The following UTS2B variants were observed in gnomAD, a reference collection of about 807,000 sequenced individuals.
The protein encoded by UTS2B is urotensin-2B.
Under a neutral mutation model 19.2 loss-of-function variants are expected in UTS2B, and 21 were observed. The ratio of observed to expected loss-of-function variants is 1.09; its 90% CI spans 0.78 to 1.58. UTS2B has a LOEUF of 1.58. UTS2B is among the 40% of genes most tolerant of loss of function. UTS2B has a pLI of 0.00. For missense variants in UTS2B, 138 were observed against 130.3 expected (o/e 1.06, Z -0.29); for synonymous variants, 57 against 50.2 (o/e 1.14, Z -0.58).
chr3:191,268,487 T>A (rs988905759), intron 8 of UTS2B, 46 bp from the exon 9 acceptor site: 4 of 1,406,938 alleles, frequency 2.8e-6, no homozygotes, highest in Non-Finnish European at 3.9e-6. Context: ...GTATATTTGA[T>A]AAAACTTGCT....
intron 2 of UTS2B, chr3:191,328,203 C>T (rs748945479): frequency 2.6e-5 from 4 of 152,176 alleles, no homozygotes; most frequent in Non-Finnish European, 4.4e-5. Context: ...ACCTCCCCTA[C>T]GTGGCCTCTC....
At chr3:191,320,790 G>A (rs988596292) in intron 2 of UTS2B, among the ~76,000 whole-genome samples, 1 of 152,222 alleles carries the variant, frequency 6.6e-6, no homozygotes, top group Admixed American at 6.5e-5. Context: ...AACTGTGTAA[G>A]TACAGAGGTG....
upstream of UTS2B, among the ~76,000 whole-genome samples, chr3:191,331,144 G>A (rs905793261): frequency 5.3e-5 from 8 of 152,102 alleles, no homozygotes; most frequent in Non-Finnish European, 7.4e-5. Flanking sequence ...TTTTGTGTGG[G>A]TATGTGTTGG....
chr3:191,311,162 G>C (rs185964608), intron 3 of UTS2B, among the ~76,000 whole-genome samples: 175 of 152,324 alleles, frequency 1.1e-3, no homozygotes, highest in African/African-American at 3.8e-3. Flanking sequence ...TTCCTCACCA[G>C]GTGGCTCAGA....
intron 1 of UTS2B, chr3:191,329,840 G>T: frequency 9.6e-7 from 1 of 1,040,392 alleles, no homozygotes; most frequent in South Asian, 1.5e-5. Context: ...CCCGCCCTGC[G>T]TTGGCCTTGC....
intron 4 of UTS2B, among the ~76,000 whole-genome samples, chr3:191,303,287 T>C (rs2108595849): frequency 7.3e-6 from 1 of 137,898 alleles, no homozygotes; most frequent in South Asian, 2.5e-4. Flanking sequence ...CTCTTGTTAA[T>C]ATATCTGCTG....
intron 5 of UTS2B, among the ~76,000 whole-genome samples, chr3:191,280,118 G>T (rs1223840220): frequency 2.0e-5 from 3 of 152,112 alleles, no homozygotes; most frequent in Admixed American, 6.5e-5. Flanking sequence ...AAGAAATTTA[G>T]TTGTCTCTTT....
intron 6 of UTS2B, 57 bp from the exon 7 acceptor site, chr3:191,276,901 C>T (rs953210922): frequency 1.3e-6 from 2 of 1,484,726 alleles, no homozygotes; most frequent in Admixed American, 1.7e-5. Context: ...ATTTAATTTG[C>T]TTCAGTACAC....
intron 3 of UTS2B, among the ~76,000 whole-genome samples, chr3:191,308,775 T>C (rs1048338658): frequency 2.0e-5 from 3 of 152,178 alleles, no homozygotes; most frequent in Admixed American, 6.5e-5. Context: ...TGAAGCTTTA[T>C]GGGGTTTATT....
intron 4 of UTS2B, 67 bp from the exon 5 acceptor site, chr3:191,282,380 T>A (rs530234772): frequency 3.9e-6 from 2 of 517,778 alleles, no homozygotes; most frequent in Middle Eastern, 5.1e-4. Flanking sequence ...GTAGTTAACA[T>A]GATTCACTAC....
intron 3 of UTS2B, among the ~76,000 whole-genome samples, chr3:191,314,629 G>T (rs1717398296): frequency 6.6e-6 from 1 of 152,190 alleles, no homozygotes; most frequent in Non-Finnish European, 1.5e-5. Flanking sequence ...GTAAGCGCAA[G>T]TGCAAGGGTG....
chr3:191,285,260 A>G (rs1036195698), intron 4 of UTS2B, among the ~76,000 whole-genome samples: 3 of 152,248 alleles, frequency 2.0e-5, no homozygotes, highest in Admixed American at 1.3e-4. Context: ...TTAAGTTGCT[A>G]TCAGCTTAGG....
At chr3:191,316,745 C>T (rs1271756197) in intron 2 of UTS2B, among the ~76,000 whole-genome samples, 1 of 152,182 alleles carries the variant, frequency 6.6e-6, no homozygotes, top group East Asian at 1.9e-4. Flanking sequence ...ACACAGAGCA[C>T]TGATCGGTGC....
intron 5 of UTS2B, among the ~76,000 whole-genome samples, chr3:191,280,960 G>A (rs571278282): frequency 2.0e-5 from 3 of 152,212 alleles, no homozygotes; most frequent in Admixed American, 6.5e-5. Context: ...TCCCAGGCTT[G>A]TATTTAGGTC....
upstream of UTS2B, among the ~76,000 whole-genome samples, chr3:191,332,491 A>G (rs1718024624): frequency 6.6e-6 from 1 of 152,234 alleles, no homozygotes; most frequent in Non-Finnish European, 1.5e-5. Context: ...TGTTGCCAAT[A>G]TTCAGGAATA....
intron 6 of UTS2B, chr3:191,277,512 C>T (rs1402113538): frequency 1.3e-5 from 2 of 152,084 alleles, no homozygotes; most frequent in Non-Finnish European, 2.9e-5. Flanking sequence ...GACAAAATCT[C>T]AGTCATTTCT....
At chr3:191,283,615 A>G (rs1233135747) in intron 4 of UTS2B, among the ~76,000 whole-genome samples, 1 of 152,226 alleles carries the variant, frequency 6.6e-6, no homozygotes, top group Non-Finnish European at 1.5e-5. Flanking sequence ...CAAGTACCAT[A>G]GTGGTTTGCG....
At chr3:191,311,604 C>T (rs187721779) in intron 3 of UTS2B, among the ~76,000 whole-genome samples, 1 of 152,280 alleles carries the variant, frequency 6.6e-6, no homozygotes, top group East Asian at 1.9e-4. Flanking sequence ...TTCCAGAGGC[C>T]CACTTTCCTC....
chr3:191,294,187 C>G (rs572518910), intron 4 of UTS2B, among the ~76,000 whole-genome samples: 1 of 151,918 alleles, frequency 6.6e-6, no homozygotes, highest in South Asian at 2.1e-4. Context: ...GATTTCAAGT[C>G]AAGGATTAGA....
Sources: allele counts gnomAD v4.1 joint callset (sites outside exome capture counted in the v4.1 genomes callset), GRCh38; gene constraint gnomAD v4.1.1; transcripts MANE v1.5; gene names NCBI Gene and HGNC (gene_info 2026-07-23, HGNC 2026-07-21).